The following NPR3 variants were observed in gnomAD, a reference collection of about 807,000 sequenced individuals.
NPR3 encodes the protein natriuretic peptide receptor 3.
NPR3 carries 34 observed loss-of-function variants against 54.5 expected under a neutral mutation model. That is an observed-to-expected ratio of 0.62 (90% CI 0.47 to 0.83). NPR3 has a LOEUF of 0.83. Ranked by LOEUF, NPR3 falls within the 40% of genes least tolerant of loss-of-function variation. The probability of loss-of-function intolerance (pLI) is 0.00; values close to 1 mark genes in which losing one functional copy is unlikely to be tolerated. For synonymous variants in NPR3, 289 were observed against 297.1 expected (o/e 0.97, Z 0.28); for missense variants, 674 against 720.8 (o/e 0.94, Z 0.74).
chr5:32,713,385 C>CG, intron 1 of NPR3: 1 of 985,438 alleles, frequency 1.0e-6, no homozygotes, highest in Non-Finnish European at 1.2e-6. Flanking sequence ...GCTATGGCTT[C>CG]GGGGAGCGGG....
At chr5:32,703,004 G>T (rs1237332332) in intron 1 of NPR3, among the ~76,000 whole-genome samples, 1 of 152,170 alleles carries the variant, frequency 6.6e-6, no homozygotes, top group African/African-American at 2.4e-5. Context: ...GCATTTCTCT[G>T]ATGGCCAGTG....
chr5:32,765,410 T>C (rs1181712177), intron 3 of NPR3, among the ~76,000 whole-genome samples: 1 of 152,170 alleles, frequency 6.6e-6, no homozygotes, highest in Non-Finnish European at 1.5e-5. Context: ...TCCCCTAGCT[T>C]ATAGAACATT....
At position 32,790,862 on chromosome 5, in the gene NPR3, G is replaced by A. The variant is rs1044426599; in HGVS notation, c.*4517G>A. On this transcript the variant is annotated 3_prime_UTR_variant, in exon 8 of 8. Coordinates refer to ENST00000265074, the MANE Select transcript of NPR3 (RefSeq NM_001204375.2). ...ATAATAGCTCTGTGATATATCAGTG[G>A]GAGATGATTCATAGGGGAGAGATTT... 2 of 167,014 alleles carry A rather than the reference G, an allele frequency of 1.2e-5. No homozygotes were observed. Among genetic ancestry groups the A allele is most frequent in the Non-Finnish European group, 2.9e-5 (2 of 68,116 alleles). The allele number at this position is 167,014 out of a possible 1,614,324, so 10.3% of individuals were successfully genotyped here.
At chr5:32,701,567 G>A (rs1737800224) in intron 1 of NPR3, among the ~76,000 whole-genome samples, 1 of 152,214 alleles carries the variant, frequency 6.6e-6, no homozygotes. Context: ...CTTGATGCTT[G>A]TGGGTGTTTG....
chr5:32,761,207 T>G (rs2112013222), intron 3 of NPR3, among the ~76,000 whole-genome samples: 1 of 151,258 alleles, frequency 6.6e-6, no homozygotes, highest in Admixed American at 6.6e-5. Context: ...AACTTGTTAG[T>G]TTCTAAAAAA....
Position 32,784,780 on chromosome 5 carries a change from A to T in NPR3, c.1427-16A>T. ...ATCTCCAAATGAACCCTGATTATCC[A>T]TGCTTCTTTTTCAAGCAGGTGGCCT... On this transcript the variant is annotated splice_polypyrimidine_tract_variant and intron_variant, in intron 6 of 7. Coordinates refer to ENST00000265074, the MANE Select transcript of NPR3 (RefSeq NM_001204375.2). 1 of 1,602,628 alleles carries T rather than the reference A, an allele frequency of 6.2e-7. No individual in the cohort carries two copies. The highest frequency in any genetic ancestry group is 8.5e-7 in the Non-Finnish European group (1 of 1,169,756).
At position 32,725,082 on chromosome 5, in the gene NPR3, C is replaced by T. The variant is rs182651784; in HGVS notation, c.892+262C>T. The stretch of plus-strand genomic sequence containing the variant: ...GTGGGAGCTAAACATTGAGCAAATA[C>T]GGACATAAACATGGGAACAATAGAC... On this transcript the variant is annotated intron_variant, in intron 2 of 7. Transcript: ENST00000265074. 1.1e-4 allele frequency among the ~76,000 whole-genome samples: 17 copies of T among 152,044 alleles called. No homozygotes were observed. The East Asian group carries it at 2.7e-3, about 24-fold the overall frequency.
intron 5 of NPR3, among the ~76,000 whole-genome samples, chr5:32,782,155 T>C (rs1377147850): frequency 6.6e-6 from 1 of 152,080 alleles, no homozygotes; most frequent in East Asian, 1.9e-4. Context: ...GAATTCTGCC[T>C]GGAAATGGGG....
At chr5:32,718,680 A>G (rs1276986057) in intron 1 of NPR3, among the ~76,000 whole-genome samples, 1 of 152,074 alleles carries the variant, frequency 6.6e-6, no homozygotes, top group Non-Finnish European at 1.5e-5. Flanking sequence ...AATGCTTGTG[A>G]TTTTTGCACA....
chr5:32,713,209 C>G, intron 1 of NPR3: 2 of 985,454 alleles, frequency 2.0e-6, no homozygotes, highest in Non-Finnish European at 2.4e-6. Context: ...CCAGAGTGTT[C>G]TGCAACGCAG....
Position 32,712,550 on chromosome 5 carries a change from GC to G in NPR3, c.769+6del. ...ATATCCAGGCCAGTGAGAGAGGTGA[GC>G]AGGGGCGCGTCCCGGGCCCCGGGCC... On this transcript the variant is annotated splice_donor_region_variant and intron_variant, in intron 1 of 7. Coordinates refer to ENST00000265074, the MANE Select transcript of NPR3 (RefSeq NM_001204375.2). The G allele has an allele frequency of 6.6e-7, 1 of 1,506,364 alleles. No individual in the cohort carries two copies. The highest frequency in any genetic ancestry group is 8.8e-7 in the Non-Finnish European group (1 of 1,132,776). 93.3% of individuals were successfully genotyped at this position (1,506,364 alleles called of 1,614,324 possible). A position where few individuals can be genotyped will look rare whatever the true frequency, so the allele number is the denominator to read the frequency against.
Position 32,761,996 on chromosome 5 carries a change from T to C in NPR3, c.1060-12712T>C, listed in dbSNP as rs1439392486. Among the ~76,000 whole-genome samples, 6 of 152,122 alleles carry C rather than the reference T, an allele frequency of 3.9e-5. No individual in the cohort carries two copies. The East Asian group carries it at 9.6e-4, about 24-fold the overall frequency. On this transcript the variant is annotated intron_variant, in intron 3 of 7. Coordinates refer to ENST00000265074, the MANE Select transcript of NPR3 (RefSeq NM_001204375.2). Reference sequence around the variant, plus strand: ...TGTGATATTCCCCTCCCTGTGTCCATGTGTTCTAATTCTTCAACTCCCACT... The same window carrying C: ...TGTGATATTCCCCTCCCTGTGTCCACGTGTTCTAATTCTTCAACTCCCACT...
chr5:32,747,956 G>A (rs1412042072), intron 3 of NPR3, among the ~76,000 whole-genome samples: 9 of 151,978 alleles, frequency 5.9e-5, no homozygotes, highest in Admixed American at 5.2e-4. Context: ...GTTTCATCAT[G>A]TTGCCCAAGC....
chr5:32,772,572 G>C (rs1741825044), intron 3 of NPR3, among the ~76,000 whole-genome samples: 1 of 152,190 alleles, frequency 6.6e-6, no homozygotes, highest in African/African-American at 2.4e-5. Flanking sequence ...TGAACAGTAG[G>C]CTTCTCTCCT....
rs912598887 is a variant in NPR3, at chr5:32,789,794, G to A, written c.*3449G>A. 2.0e-5 allele frequency: 10 copies of A among 512,168 alleles called. No individual in the cohort carries two copies. In the African/African-American group the frequency reaches 2.0e-4, roughly 10 times the overall value. The allele number at this position is 512,168 out of a possible 1,614,324, so 31.7% of individuals were successfully genotyped here. ...TCTCATGCAGATAGTGATGGATTCA[G>A]AAAGTAGGTTCCAGTGGCGTCACTA... On this transcript the variant is annotated 3_prime_UTR_variant, in exon 8 of 8. Transcript: ENST00000265074.
At position 32,780,717 on chromosome 5, in the gene NPR3, T is replaced by G; in HGVS notation, c.1196-5T>G. ...ACGTTGAGTTCTTCGCTTCTGGTCC[T>G]GTAGGTATCGCCGGGCAGGTGTCCA... On this transcript the variant is annotated splice_polypyrimidine_tract_variant and splice_region_variant and intron_variant, in intron 4 of 7. Coordinates refer to ENST00000265074, the MANE Select transcript of NPR3 (RefSeq NM_001204375.2). 1 of 1,388,906 alleles carries G rather than the reference T, an allele frequency of 7.2e-7. No individual in the cohort carries two copies. Among genetic ancestry groups the G allele is most frequent in the South Asian group, 1.2e-5 (1 of 86,534 alleles). 86.0% of individuals were successfully genotyped at this position (1,388,906 alleles called of 1,614,324 possible).
At position 32,732,163 on chromosome 5, in the gene NPR3, C is replaced by G. The variant is rs1035013359; in HGVS notation, c.893-6701C>G. ...GGCTGAGGCAGGAGAATGGCGTGAA[C>G]CCGGGAAGCGGAGCTTGCAGTGAGC... On this transcript the variant is annotated intron_variant, in intron 2 of 7. Coordinates refer to ENST00000265074, the MANE Select transcript of NPR3 (RefSeq NM_001204375.2). Among the ~76,000 whole-genome samples the G allele has an allele frequency of 3.4e-5, 5 of 147,992 alleles. No individual in the cohort carries two copies. In the East Asian group the frequency reaches 1.0e-3, roughly 30 times the overall value.
upstream of NPR3, among the ~76,000 whole-genome samples, chr5:32,708,977 T>C (rs1738074176): frequency 2.0e-5 from 3 of 151,958 alleles, no homozygotes; most frequent in East Asian, 5.8e-4. Context: ...CAGCTTGGTC[T>C]TGTTGCTGCT....
Position 32,743,987 on chromosome 5 carries a change from A to ATCTTTTTTTTTTTTTTTTTTTTTTTTTTT in NPR3, c.1059+4958_1059+4959insCTTTTTTTTTTTTTTTTTTTTTTTTTTTT, listed in dbSNP as rs1425701544. Among the ~76,000 whole-genome samples the ATCTTTTTTTTTTTTTTTTTTTTTTTTTTT allele has an allele frequency of 1.8e-5, 2 of 113,834 alleles. 1 individual carries two copies. Among genetic ancestry groups the ATCTTTTTTTTTTTTTTTTTTTTTTTTTTT allele is most frequent in the Non-Finnish European group, 3.5e-5 (2 of 56,696 alleles). The allele number at this position is 113,834 out of a possible 152,430, so 74.7% of individuals were successfully genotyped here. On this transcript the variant is annotated intron_variant, in intron 3 of 7. Coordinates refer to ENST00000265074, the MANE Select transcript of NPR3 (RefSeq NM_001204375.2). ...GGGGAAATCTATTCCATTCTGATGCATTTTTTTTTTTTTTTTTTTTTTTTG... is the reference window on the plus strand; with the variant it reads ...GGGGAAATCTATTCCATTCTGATGCATCTTTTTTTTTTTTTTTTTTTTTTTTTTTTTTTTTTTTTTTTTTTTTTTTTTTG...
Sources: allele counts gnomAD v4.1 joint callset (sites outside exome capture counted in the v4.1 genomes callset), GRCh38; gene constraint gnomAD v4.1.1; transcripts MANE v1.5; gene names NCBI Gene and HGNC (gene_info 2026-07-23, HGNC 2026-07-21).